RBFOX1: variants seen among roughly 807,000 people sequenced by gnomAD.
RBFOX1 encodes the protein RNA binding protein fox-1 homolog 1.
Under a neutral mutation model 57.7 loss-of-function variants are expected in RBFOX1, and 8 were observed. The observed-to-expected ratio is 0.14, with a 90% confidence interval of 0.08 to 0.25. RBFOX1 has a LOEUF of 0.25. Among genes scored for constraint, RBFOX1 ranks in the 10% least tolerant of loss-of-function variants. The probability of loss-of-function intolerance (pLI) is 1.00; values close to 1 mark genes in which losing one functional copy is unlikely to be tolerated. For missense variants in RBFOX1, 611 were observed against 548.5 expected, an observed-to-expected ratio of 1.11 and a Z score of -1.14; for synonymous variants, 326 against 222.4, an observed-to-expected ratio of 1.47 and a Z score of -4.15.
chr16:6,734,876 A>G (rs886856590), intron 3 of RBFOX1, among the ~76,000 whole-genome samples: 1 of 152,202 alleles, frequency 6.6e-6, no homozygotes, highest in African/African-American at 2.4e-5. Context: ...ATAGTTCTTG[A>G]CGCCTAGTAA....
intron 6 of RBFOX1, 81 bp from the exon 7 acceptor site, chr16:7,587,166 G>A (rs576127251): frequency 5.7e-5 from 75 of 1,319,290 alleles, no homozygotes; most frequent in African/African-American, 1.1e-4. Context: ...AAAAATGGAC[G>A]TGGGAAACAA....
intron 10 of RBFOX1, among the ~76,000 whole-genome samples, chr16:7,615,194 G>T (rs189339366): frequency 7.6e-4 from 115 of 152,284 alleles, no homozygotes; most frequent in Middle Eastern, 3.4e-3. Context: ...GTATCTGGGC[G>T]TGGTGGCGGG....
At chr16:5,319,798 A>T (rs967942691) in intron 1 of RBFOX1, among the ~76,000 whole-genome samples, 2 of 151,628 alleles carry the variant, frequency 1.3e-5, no homozygotes, top group African/African-American at 4.8e-5. Context: ...ATGGCTTTCC[A>T]CACAGTCATT....
At chr16:7,175,682 C>T (rs547656160) in intron 4 of RBFOX1, among the ~76,000 whole-genome samples, 3 of 152,336 alleles carry the variant, frequency 2.0e-5, no homozygotes, top group African/African-American at 7.2e-5. Flanking sequence ...ACGTGTTACC[C>T]TGTCAGTTCA....
chr16:7,287,143 C>T (rs985844057), intron 4 of RBFOX1, among the ~76,000 whole-genome samples: 1 of 152,108 alleles, frequency 6.6e-6, no homozygotes, highest in African/African-American at 2.4e-5. Flanking sequence ...TAGCACAGTA[C>T]TTAATAGAGA....
intron 3 of RBFOX1, among the ~76,000 whole-genome samples, chr16:6,907,868 C>T (rs558517882): frequency 6.6e-6 from 1 of 151,810 alleles, no homozygotes; most frequent in South Asian, 2.1e-4. Flanking sequence ...GCCCCCATGC[C>T]CGGCCAGCTT....
chr16:7,465,019 G>A (rs1040242331), intron 4 of RBFOX1, among the ~76,000 whole-genome samples: 3 of 151,602 alleles, frequency 2.0e-5, no homozygotes, highest in African/African-American at 4.8e-5. Context: ...CTATCCCTTG[G>A]AATTGCCTTA....
intron 3 of RBFOX1, among the ~76,000 whole-genome samples, chr16:6,820,654 G>C (rs2091115536): frequency 6.9e-6 from 1 of 145,184 alleles, no homozygotes; most frequent in African/African-American, 2.6e-5. Flanking sequence ...GCAAGACCCT[G>C]TCTCCAAAAA....
intron 2 of RBFOX1, among the ~76,000 whole-genome samples, chr16:6,555,583 C>T (rs2097084384): frequency 6.6e-6 from 1 of 151,976 alleles, no homozygotes; most frequent in Non-Finnish European, 1.5e-5. Context: ...GCCTGTAGTC[C>T]CAGCTACTCA....
At chr16:7,260,877 G>T (rs558632676) in intron 4 of RBFOX1, among the ~76,000 whole-genome samples, 3 of 152,260 alleles carry the variant, frequency 2.0e-5, no homozygotes, top group Non-Finnish European at 4.4e-5. Flanking sequence ...TTAAGAGCTG[G>T]GGGAGTTCTG....
chr16:6,637,787 G>C, intron 2 of RBFOX1, among the ~76,000 whole-genome samples: 1 of 151,938 alleles, frequency 6.6e-6, no homozygotes, highest in East Asian at 1.9e-4. Context: ...TTATTTAGCA[G>C]GAGGGCAGGA....
intron 3 of RBFOX1, among the ~76,000 whole-genome samples, chr16:5,725,857 A>G (rs1423679229): frequency 6.6e-6 from 1 of 151,838 alleles, no homozygotes; most frequent in African/African-American, 2.4e-5. Context: ...TGGCACTGGC[A>G]TGAGGAGGCT....
chr16:5,278,089 A>G (rs2063185326), intron 1 of RBFOX1, among the ~76,000 whole-genome samples: 1 of 152,208 alleles, frequency 6.6e-6, no homozygotes, highest in Non-Finnish European at 1.5e-5. Context: ...GTGCTTTTTA[A>G]AATAATGGCT....
chr16:7,596,161 C>T (rs1196577008), intron 8 of RBFOX1, among the ~76,000 whole-genome samples: 22 of 42,152 alleles, frequency 5.2e-4, no homozygotes, highest in African/African-American at 9.7e-4. Flanking sequence ...GAGGTTTTTA[C>T]TAAACCTCTC....
intron 4 of RBFOX1, among the ~76,000 whole-genome samples, chr16:7,140,574 G>A (rs1006061477): frequency 1.3e-5 from 2 of 152,044 alleles, no homozygotes; most frequent in Admixed American, 6.6e-5. Flanking sequence ...GAATTTGGGG[G>A]CATCTTTCTA....
At chr16:7,223,516 A>C (rs551615473) in intron 4 of RBFOX1, among the ~76,000 whole-genome samples, 1 of 152,176 alleles carries the variant, frequency 6.6e-6, no homozygotes, top group Non-Finnish European at 1.5e-5. Flanking sequence ...TTACCTGTGG[A>C]AGTTACTTAT....
intron 4 of RBFOX1, among the ~76,000 whole-genome samples, chr16:7,271,750 C>T (rs561752265): frequency 6.6e-6 from 1 of 152,116 alleles, no homozygotes; most frequent in Non-Finnish European, 1.5e-5. Flanking sequence ...TCTAGAAAGC[C>T]ACAGTAGTTC....
chr16:5,573,767 G>C (rs773554599), intron 2 of RBFOX1, among the ~76,000 whole-genome samples: 19 of 152,048 alleles, frequency 1.2e-4, no homozygotes, highest in Admixed American at 2.6e-4. Flanking sequence ...TTCAAGACCA[G>C]CCTGGGCAAC....
chr16:6,709,846 C>T (rs766677177), intron 3 of RBFOX1, among the ~76,000 whole-genome samples: 4 of 152,120 alleles, frequency 2.6e-5, no homozygotes, highest in Admixed American at 2.0e-4. Context: ...GGCTGGTACA[C>T]AACCGGAAGG....
Sources: allele counts gnomAD v4.1 joint callset (sites outside exome capture counted in the v4.1 genomes callset), GRCh38; gene constraint gnomAD v4.1.1; transcripts MANE v1.5; gene names NCBI Gene and HGNC (gene_info 2026-07-23, HGNC 2026-07-21).